The following LRRC8D variants were observed in gnomAD, a reference collection of about 807,000 sequenced individuals.
The protein encoded by LRRC8D is volume-regulated anion channel subunit LRRC8D.
LRRC8D carries 20 observed loss-of-function variants against 55.8 expected under a neutral mutation model. The ratio of observed to expected loss-of-function variants is 0.36; its 90% CI spans 0.25 to 0.52. The LOEUF (loss-of-function observed/expected upper bound fraction) is 0.52, where lower values mean the gene tolerates loss of function less well. LRRC8D is among the 20% of genes least tolerant of loss of function. The pLI is 0.93. For missense variants in LRRC8D, 651 were observed against 1,030.8 expected (o/e 0.63, Z 5.05); for synonymous variants, 352 against 377.0 (o/e 0.93, Z 0.77).
intron 2 of LRRC8D, among the ~76,000 whole-genome samples, chr1:89,902,195 A>C (rs577075200): frequency 6.6e-6 from 1 of 152,408 alleles, no homozygotes; most frequent in Non-Finnish European, 1.5e-5. Context: ...GAAGGCGTGC[A>C]GACCAGTCTC....
chr1:89,919,711 A>G (rs1663365171), intron 2 of LRRC8D, among the ~76,000 whole-genome samples: 2 of 152,216 alleles, frequency 1.3e-5, no homozygotes, highest in South Asian at 4.1e-4. Flanking sequence ...AAGGTCTCTT[A>G]GCTGCCAGAC....
chr1:89,871,617 T>G (rs1662009133), intron 2 of LRRC8D, among the ~76,000 whole-genome samples: 1 of 152,208 alleles, frequency 6.6e-6, no homozygotes, highest in Admixed American at 6.5e-5. Context: ...TTAATACTCT[T>G]GTTTCTTTCT....
chr1:89,900,582 G>A (rs1662825898), intron 2 of LRRC8D, among the ~76,000 whole-genome samples: 1 of 152,092 alleles, frequency 6.6e-6, no homozygotes, highest in Admixed American at 6.5e-5. Flanking sequence ...ACCACTTGAG[G>A]TGAACATCGA....
intron 2 of LRRC8D, among the ~76,000 whole-genome samples, chr1:89,882,649 A>G (rs1483663742): frequency 6.6e-6 from 1 of 152,210 alleles, no homozygotes; most frequent in Admixed American, 6.5e-5. Flanking sequence ...TCAAACTCCA[A>G]GTGTTTTTGT....
chr1:89,930,976 A>C (rs930583896), intron 2 of LRRC8D, among the ~76,000 whole-genome samples: 1 of 112,102 alleles, frequency 8.9e-6, no homozygotes, highest in Non-Finnish European at 1.9e-5. Flanking sequence ...GTACAAAGTT[A>C]TTTTTCTTTT....
intron 1 of LRRC8D, among the ~76,000 whole-genome samples, chr1:89,831,522 C>A (rs1660885670): frequency 6.6e-6 from 1 of 152,024 alleles, no homozygotes; most frequent in Admixed American, 6.5e-5. Flanking sequence ...AAGAGATCAT[C>A]TACCCCAGGA....
chr1:89,851,441 C>G (rs1661415334), intron 2 of LRRC8D, among the ~76,000 whole-genome samples: 1 of 152,018 alleles, frequency 6.6e-6, no homozygotes, highest in African/African-American at 2.4e-5. Context: ...AATGCTAGGT[C>G]ACTTTATTTG....
chr1:89,912,436 C>G (rs1282602788), intron 2 of LRRC8D, among the ~76,000 whole-genome samples: 2 of 132,502 alleles, frequency 1.5e-5, no homozygotes, highest in Non-Finnish European at 3.1e-5. Context: ...TTCTGGGAAA[C>G]CACAAAGGAC....
chr1:89,837,804 T>C (rs987834387), intron 1 of LRRC8D, among the ~76,000 whole-genome samples: 1 of 152,232 alleles, frequency 6.6e-6, no homozygotes, highest in Non-Finnish European at 1.5e-5. Flanking sequence ...GCTATTCCAC[T>C]ACAGGCAAAG....
chr1:89,910,067 A>C (rs1416162390), intron 2 of LRRC8D, among the ~76,000 whole-genome samples: 1 of 152,220 alleles, frequency 6.6e-6, no homozygotes, highest in Non-Finnish European at 1.5e-5. Context: ...TATTCTTTTA[A>C]GAATTATGGT....
chr1:89,931,485 G>T (rs762725434), intron 2 of LRRC8D, among the ~76,000 whole-genome samples: 1 of 152,068 alleles, frequency 6.6e-6, no homozygotes, highest in Non-Finnish European at 1.5e-5. Context: ...TCCTGGTTGG[G>T]TGTGGTGGCT....
chr1:89,926,918 C>T (rs1354015180), intron 2 of LRRC8D, among the ~76,000 whole-genome samples: 2 of 152,156 alleles, frequency 1.3e-5, no homozygotes, highest in Non-Finnish European at 2.9e-5. Context: ...CTATTTCTTC[C>T]CCTCTCAAGG....
intron 2 of LRRC8D, among the ~76,000 whole-genome samples, chr1:89,920,828 A>G (rs1473455441): frequency 6.6e-6 from 1 of 152,036 alleles, no homozygotes; most frequent in East Asian, 1.9e-4. Flanking sequence ...GTGTGTACAT[A>G]CACATATGTG....
intron 2 of LRRC8D, among the ~76,000 whole-genome samples, chr1:89,869,898 A>G (rs1197867051): frequency 6.6e-6 from 1 of 151,880 alleles, no homozygotes; most frequent in Non-Finnish European, 1.5e-5. Context: ...TCACAAGGTC[A>G]GGAGTTTGAG....
intron 2 of LRRC8D, among the ~76,000 whole-genome samples, chr1:89,852,433 T>C (rs1334075958): frequency 1.3e-5 from 2 of 152,164 alleles, no homozygotes; most frequent in Non-Finnish European, 2.9e-5. Context: ...AGGAGACATT[T>C]GCTGAGCTCC....
In LRRC8D at chr1:89,873,508, T is replaced by C. The variant is rs531165214; in HGVS notation, c.-3+29726T>C. Among the ~76,000 whole-genome samples the C allele has an allele frequency of 1.4e-4, 21 of 152,322 alleles. 1 individual carries two copies. The Middle Eastern group carries it at 0.01, about 74-fold the overall frequency. On this transcript the variant is annotated intron_variant, in intron 2 of 2. Transcript: ENST00000337338. ...GACTTCCTTTCAGTGGCCTCTTCTT[T>C]GTATACAGCTCCATGTTTATGTCCA...
At chr1:89,931,109 C>A (rs1308997321) in intron 2 of LRRC8D, among the ~76,000 whole-genome samples, 1 of 135,854 alleles carries the variant, frequency 7.4e-6, no homozygotes, top group African/African-American at 2.8e-5. Context: ...GTTTGGAGTT[C>A]TTAGACTTGT....
In LRRC8D at chr1:89,934,765, A is replaced by T. The variant is rs148854534; in HGVS notation, c.1697A>T (p.Tyr566Phe). The T allele has an allele frequency of 1.4e-5, 23 of 1,614,058 alleles. No homozygotes were observed. The highest frequency in any genetic ancestry group is 1.8e-5 in the Non-Finnish European group (21 of 1,180,042). Residue 566 changes from tyrosine to phenylalanine, a missense_variant, in exon 3 of 3, where the codon TAC becomes TTC. Transcript: ENST00000337338. The surrounding 1 kb of genome is among the most constrained non-coding windows in gnomAD (Gnocchi z 5.9). ...VYLLKNLREL[Y>F]LIGNLNSENN... ...TTGCTCAAAAACCTTCGAGAGTTGT[A>T]CTTAATAGGCAATTTGAACTCTGAA...
At position 89,911,177 on chromosome 1, in the gene LRRC8D, G is replaced by T. The variant is rs574041675; in HGVS notation, c.-2-21890G>T. On this transcript the variant is annotated intron_variant, in intron 2 of 2. Transcript: ENST00000337338. The surrounding 1 kb of genome is among the most constrained non-coding windows in gnomAD (Gnocchi z 4.0). ...ACTCATATGTCCATGCATTTTTGGG[G>T]TTTTTTTTTTTTTAGTTATATAGTT... Among the ~76,000 whole-genome samples, 592 of 143,034 alleles carry T rather than the reference G, an allele frequency of 4.1e-3. 1 individual carries two copies. Among genetic ancestry groups the T allele is most frequent in the Non-Finnish European group, 6.3e-3 (411 of 65,148 alleles). The allele number at this position is 143,034 out of a possible 152,430, so 93.8% of individuals were successfully genotyped here.
Sources: gnomAD v4.1 joint callset for allele counts (sites outside exome capture counted in the v4.1 genomes callset) on GRCh38, gnomAD v4.1.1 for gene constraint, Gnocchi (gnomAD v3.1) non-coding constraint, MANE v1.5 for transcripts, NCBI Gene and HGNC (gene_info 2026-07-23, HGNC 2026-07-21) for gene names.